The following GPHN variants were observed in gnomAD, a reference collection of about 807,000 sequenced individuals.
The protein encoded by GPHN is gephyrin.
GPHN carries 17 observed loss-of-function variants against 95.5 expected under a neutral mutation model. The observed-to-expected ratio is 0.18, with a 90% CI of 0.12 to 0.27. GPHN has a LOEUF of 0.27. Among genes scored for constraint, GPHN ranks in the 10% least tolerant of loss-of-function variants. GPHN has a pLI of 1.00. For synonymous variants in GPHN, 320 were observed against 322.5 expected, an observed-to-expected ratio of 0.99 and a Z score of 0.08; for missense variants, 660 against 978.1, an observed-to-expected ratio of 0.67 and a Z score of 4.34.
intron 20 of GPHN, among the ~76,000 whole-genome samples, chr14:67,168,379 T>C (rs1279008180): frequency 6.6e-6 from 1 of 152,232 alleles, no homozygotes; most frequent in Non-Finnish European, 1.5e-5. Context: ...TATAGCTTTA[T>C]CATATGAATT....
the GPHN span, among the ~76,000 whole-genome samples, chr14:67,560,533 C>T: frequency 6.6e-6 from 1 of 152,190 alleles, no homozygotes; most frequent in Non-Finnish European, 1.5e-5. Flanking sequence ...CCCATTCTCT[C>T]TTCCCCCATC....
the GPHN span, among the ~76,000 whole-genome samples, chr14:67,668,100 T>C: frequency 4.5e-3 from 684 of 152,300 alleles, 7 homozygotes; most frequent in African/African-American, 0.015. Context: ...GTGTTATACA[T>C]ACTGATCTAA....
intron 5 of GPHN, among the ~76,000 whole-genome samples, chr14:66,904,528 G>A (rs2065278406): frequency 6.6e-6 from 1 of 152,158 alleles, no homozygotes; most frequent in African/African-American, 2.4e-5. Flanking sequence ...ACAGAGTACT[G>A]ACTGGTGCAT....
chr14:67,359,852 T>C, the GPHN span: 2 of 783,628 alleles, frequency 2.6e-6, no homozygotes, highest in Non-Finnish European at 4.1e-6. Context: ...ACACCCATTT[T>C]CACTTCCGCT....
the GPHN span, chr14:67,487,180 T>A: frequency 3.9e-5 from 6 of 152,314 alleles, no homozygotes; most frequent in East Asian, 1.2e-3. Context: ...TCCCTGGGAA[T>A]AAAAGAGGAG....
chr14:66,634,304 A>G (rs953200809), intron 1 of GPHN, among the ~76,000 whole-genome samples: 3 of 151,684 alleles, frequency 2.0e-5, no homozygotes, highest in Non-Finnish European at 2.9e-5. Flanking sequence ...TTTGTTGGGT[A>G]GAATGTTTTC....
rs1160483450 is a variant in GPHN, at chr14:66,785,882, AATCTGTAAAGC to A, written c.201+9363_201+9373del. 2.6e-5 allele frequency among the ~76,000 whole-genome samples: 4 copies of A among 152,260 alleles called. No homozygotes were observed. In the East Asian group the frequency reaches 7.7e-4, roughly 29 times the overall value. On this transcript the variant is annotated intron_variant, in intron 3 of 22. Coordinates refer to ENST00000478722, the MANE Select transcript of GPHN (RefSeq NM_020806.5). The stretch of plus-strand genomic sequence containing the variant: ...AAAATGAAAATATAACACATCAAAA[AATCTGTAAAGC>A]AGTGAAAGCAGGGCTGAGAGGAAAA...
chr14:66,957,092 T>C (rs945592941), intron 8 of GPHN, among the ~76,000 whole-genome samples: 3 of 149,266 alleles, frequency 2.0e-5, no homozygotes, highest in African/African-American at 7.4e-5. Flanking sequence ...TGTGCACATG[T>C]ACCCTAAAAC....
the GPHN span, among the ~76,000 whole-genome samples, chr14:67,192,320 A>G: frequency 6.6e-6 from 1 of 152,232 alleles, no homozygotes; most frequent in Non-Finnish European, 1.5e-5. Flanking sequence ...ATGATAGCCC[A>G]TAACAACCCT....
the GPHN span, among the ~76,000 whole-genome samples, chr14:67,313,742 C>G: frequency 6.6e-6 from 1 of 152,102 alleles, no homozygotes; most frequent in Non-Finnish European, 1.5e-5. Context: ...CGCTTACATA[C>G]TTTACTTGAA....
At chr14:66,980,042 C>T (rs181111366) in intron 9 of GPHN, among the ~76,000 whole-genome samples, 5 of 152,114 alleles carry the variant, frequency 3.3e-5, no homozygotes, top group Admixed American at 3.3e-4. Context: ...TTTGTGGTAC[C>T]TCAAAACAAT....
the GPHN span, among the ~76,000 whole-genome samples, chr14:67,358,859 A>C: frequency 6.6e-6 from 1 of 152,238 alleles, no homozygotes; most frequent in African/African-American, 2.4e-5. Context: ...CCCCAAAAGA[A>C]AGGCAGCCCA....
chr14:67,311,178 G>A, the GPHN span, among the ~76,000 whole-genome samples: 1 of 152,078 alleles, frequency 6.6e-6, no homozygotes, highest in East Asian at 1.9e-4. Flanking sequence ...GGGCGTTGTG[G>A]TGAGTGCCTG....
At chr14:67,664,922 C>T in the GPHN span, among the ~76,000 whole-genome samples, 2 of 151,848 alleles carry the variant, frequency 1.3e-5, no homozygotes, top group Admixed American at 6.6e-5. Flanking sequence ...GCTGGAGTGC[C>T]GTGGCGTCAT....
intron 11 of GPHN, among the ~76,000 whole-genome samples, chr14:67,083,903 G>T (rs2076788247): frequency 6.6e-6 from 1 of 152,114 alleles, no homozygotes; most frequent in South Asian, 2.1e-4. Context: ...GGTTGTATTT[G>T]ATTGATATGA....
chr14:67,002,427 T>G (rs1287449273), intron 9 of GPHN, among the ~76,000 whole-genome samples: 3 of 151,036 alleles, frequency 2.0e-5, no homozygotes, highest in Non-Finnish European at 3.0e-5. Context: ...AATAACCTCT[T>G]TATTTTTCTG....
chr14:66,813,517 G>T (rs533634865), intron 3 of GPHN, among the ~76,000 whole-genome samples: 1 of 152,288 alleles, frequency 6.6e-6, no homozygotes, highest in African/African-American at 2.4e-5. Flanking sequence ...GGAGCAACCC[G>T]CTCTCACCAT....
the GPHN span, among the ~76,000 whole-genome samples, chr14:67,594,173 TC>T: frequency 6.6e-6 from 1 of 152,180 alleles, no homozygotes; most frequent in Non-Finnish European, 1.5e-5. Context: ...AAATTTTTCT[TC>T]CAAAATTCCA....
In GPHN at chr14:66,915,956, G is replaced by A. The variant is rs1290715596; in HGVS notation, c.390-47G>A. 6.2e-6 allele frequency: 6 copies of A among 972,062 alleles called. 1 individual carries two copies. In the African/African-American group the frequency reaches 9.6e-5, roughly 15 times the overall value. 60.2% of individuals were successfully genotyped at this position (972,062 alleles called of 1,614,324 possible). The stretch of plus-strand genomic sequence containing the variant: ...ATTTGTTCTTAATGTATTTAAACCG[G>A]GCATTCATAGCAATTTAGTGTTCAT... On this transcript the variant is annotated intron_variant, in intron 5 of 22. Transcript: ENST00000478722.
Sources: allele counts gnomAD v4.1 joint callset (sites outside exome capture counted in the v4.1 genomes callset), GRCh38; gene constraint gnomAD v4.1.1; transcripts MANE v1.5; gene names NCBI Gene and HGNC (gene_info 2026-07-23, HGNC 2026-07-21).